SLC2A1: variants seen among roughly 807,000 people sequenced by gnomAD.
SLC2A1 encodes solute carrier family 2, facilitated glucose transporter member 1.
In SLC2A1, 4 loss-of-function variants were observed where a neutral mutation model predicts 46.6. The observed-to-expected ratio is 0.09, with a 90% CI of 0.04 to 0.20. The LOEUF (loss-of-function observed/expected upper bound fraction) is 0.20, where lower values mean the gene tolerates loss of function less well. SLC2A1 is among the 10% of genes least tolerant of loss of function. SLC2A1 has a pLI of 1.00. For missense variants in SLC2A1, 352 were observed against 667.0 expected, an observed-to-expected ratio of 0.53 and a Z score of 5.20; for synonymous variants, 253 against 270.0, an observed-to-expected ratio of 0.94 and a Z score of 0.62.
At position 42,930,287 on chromosome 1, in the gene SLC2A1, G is replaced by T. The variant is rs1643474848; in HGVS notation, c.517-252C>A. ...AGATGTGTCCAGCACAGAGAATGGG[G>T]GCTGCTACTCTGCCACAAGAGGGTT... On this transcript the variant is annotated intron_variant, in intron 4 of 9. Transcript: ENST00000426263. This position sits in a 1 kb window ranked among gnomAD's most constrained non-coding sequence, Gnocchi z 6.2. 2 of 624,646 alleles carry T rather than the reference G, an allele frequency of 3.2e-6. No individual in the cohort carries two copies. Among genetic ancestry groups the T allele is most frequent in the Non-Finnish European group, 5.7e-6 (2 of 349,876 alleles). 38.7% of individuals were successfully genotyped at this position (624,646 alleles called of 1,614,324 possible).
intron 1 of SLC2A1, among the ~76,000 whole-genome samples, chr1:42,957,796 C>T (rs1643791891): frequency 6.6e-6 from 1 of 152,214 alleles, no homozygotes; most frequent in Admixed American, 6.5e-5. Flanking sequence ...TTCCCCAACC[C>T]CGTGGCGTGC....
intron 1 of SLC2A1, among the ~76,000 whole-genome samples, chr1:42,955,912 A>T (rs929863901): frequency 6.6e-6 from 1 of 152,208 alleles, no homozygotes; most frequent in Non-Finnish European, 1.5e-5. Flanking sequence ...ACAATGGAAC[A>T]CGGGGAAGTT....
chr1:42,928,026 G>A (rs1204430434), intron 8 of SLC2A1, among the ~76,000 whole-genome samples: 1 of 152,200 alleles, frequency 6.6e-6, no homozygotes, highest in Non-Finnish European at 1.5e-5. Flanking sequence ...GAGTCCACCC[G>A]CTGGGAGTGG....
Position 42,926,787 on chromosome 1 carries a change from C to G in SLC2A1, c.*254G>C. Reference sequence around the variant, plus strand: ...GAGACTCAGGCTGATATAAAAATAACAAAATCAGTAATAAAAAAATTATAA... The same window carrying G: ...GAGACTCAGGCTGATATAAAAATAAGAAAATCAGTAATAAAAAAATTATAA... On this transcript the variant is annotated 3_prime_UTR_variant, in exon 10 of 10. Coordinates refer to ENST00000426263, the MANE Select transcript of SLC2A1 (RefSeq NM_006516.4). The G allele has an allele frequency of 6.8e-7, 1 of 1,473,320 alleles. No homozygotes were observed. The highest frequency in any genetic ancestry group is 2.7e-5 in the East Asian group (1 of 36,994). The allele number at this position is 1,473,320 out of a possible 1,614,324, so 91.3% of individuals were successfully genotyped here. A position where few individuals can be genotyped will look rare whatever the true frequency, so the allele number is the denominator to read the frequency against.
intron 1 of SLC2A1, among the ~76,000 whole-genome samples, chr1:42,945,998 G>C (rs537522847): frequency 3.3e-5 from 5 of 152,154 alleles, no homozygotes; most frequent in Non-Finnish European, 7.3e-5. Flanking sequence ...ATGATCCATG[G>C]ATCTGGCAAA....
At chr1:42,943,084 C>T in intron 2 of SLC2A1, 142 bp downstream of exon 2, 1 of 705,890 alleles carries the variant, frequency 1.4e-6, no homozygotes, top group Non-Finnish European at 2.6e-6. Context: ...TGATCAGGGC[C>T]AGAAAACTGG....
chr1:42,957,246 T>A (rs1205512373), intron 1 of SLC2A1, among the ~76,000 whole-genome samples: 1 of 152,194 alleles, frequency 6.6e-6, no homozygotes, highest in East Asian at 1.9e-4. Flanking sequence ...TATCCCACCC[T>A]TACGGCTCAC....
intron 8 of SLC2A1, 62 bp downstream of exon 8, chr1:42,928,870 T>A: frequency 7.0e-7 from 1 of 1,432,328 alleles, no homozygotes; most frequent in Non-Finnish European, 9.8e-7. Context: ...ACAGGCATTT[T>A]GGGATATGAA....
At chr1:42,936,140 G>A (rs956986443) in intron 2 of SLC2A1, among the ~76,000 whole-genome samples, 10 of 152,136 alleles carry the variant, frequency 6.6e-5, no homozygotes, top group Admixed American at 6.5e-5. Flanking sequence ...ACCCCAGGAG[G>A]ACTAGGTCAG....
At chr1:42,937,557 C>T (rs941444797) in intron 2 of SLC2A1, among the ~76,000 whole-genome samples, 7 of 152,186 alleles carry the variant, frequency 4.6e-5, no homozygotes, top group Admixed American at 2.0e-4. Context: ...CCAGACTCCC[C>T]GGAGTTACAT....
In SLC2A1 at chr1:42,926,437, C is replaced by A; in HGVS notation, c.*604G>T. 1 of 226,742 alleles carries A rather than the reference C, an allele frequency of 4.4e-6. No individual in the cohort carries two copies. Among genetic ancestry groups the A allele is most frequent in the Non-Finnish European group, 9.2e-6 (1 of 108,530 alleles). 14.0% of individuals were successfully genotyped at this position (226,742 alleles called of 1,614,324 possible). ...ACCCGGCAGCCCAGACTGGCCCTTC[C>A]CCTCTCCTCCCTGCACTCCAGTGCT... On this transcript the variant is annotated 3_prime_UTR_variant, in exon 10 of 10. Transcript: ENST00000426263.
chr1:42,952,430 G>T lies in SLC2A1; in HGVS notation c.18+6204C>A, dbSNP rs1230033311. 5 of 474,412 alleles carry T rather than the reference G, an allele frequency of 1.1e-5. No homozygotes were observed. The East Asian group carries it at 2.6e-4, about 24-fold the overall frequency. The allele number at this position is 474,412 out of a possible 1,614,324, so 29.4% of individuals were successfully genotyped here. A position where few individuals can be genotyped will look rare whatever the true frequency, so the allele number is the denominator to read the frequency against. ...AGTCGATCAGCGAGTTGGGGATAAGGACTTCCATCACCAGGTTGTAGATGG... is the reference window on the plus strand; with the variant it reads ...AGTCGATCAGCGAGTTGGGGATAAGTACTTCCATCACCAGGTTGTAGATGG... On this transcript the variant is annotated intron_variant, in intron 1 of 9. Transcript: ENST00000426263.
rs1035606924 is a variant in SLC2A1, at chr1:42,927,554, C to G, written c.1278+51G>C. The G allele has an allele frequency of 6.7e-7, 1 of 1,494,232 alleles. No individual in the cohort carries two copies. Among genetic ancestry groups the G allele is most frequent in the African/African-American group, 1.6e-5 (1 of 64,114 alleles). 92.6% of individuals were successfully genotyped at this position (1,494,232 alleles called of 1,614,324 possible). ...AATGCTGGGCCAGCACTTTGCACAG[C>G]ACTGTGGGGTCATGCGTGCGGGTGA... On this transcript the variant is annotated intron_variant, in intron 9 of 9. Coordinates refer to ENST00000426263, the MANE Select transcript of SLC2A1 (RefSeq NM_006516.4). This position sits in a 1 kb window ranked among gnomAD's most constrained non-coding sequence, Gnocchi z 5.3.
chr1:42,939,032 T>A (rs371880093), intron 2 of SLC2A1, among the ~76,000 whole-genome samples: 39 of 152,300 alleles, frequency 2.6e-4, no homozygotes, highest in African/African-American at 9.1e-4. Context: ...CAGCTATACT[T>A]CTCTCTCCTT....
In SLC2A1 at chr1:42,927,807, T is replaced by C; in HGVS notation, c.1076A>G (p.Glu359Gly). The C allele has an allele frequency of 6.2e-7, 1 of 1,611,728 alleles. No individual in the cohort carries two copies. The highest frequency in any genetic ancestry group is 1.3e-5 in the African/African-American group (1 of 74,982). The change falls in exon 9 of 10, where the codon GAG (glutamate) becomes GGG (glycine). Residue 359 changes from glutamate (E) to glycine (G), a missense_variant and splice_region_variant. Glu to Gly is a moderately conservative substitution (Grantham distance 98). Around this residue, in one of 5 missense-constraint regions of SLC2A1, gnomAD observed 167 missense variants for 280.8 expected, o/e 0.59. Coordinates refer to ENST00000426263, the MANE Select transcript of SLC2A1 (RefSeq NM_006516.4). The surrounding 1 kb of genome is among the most constrained non-coding windows in gnomAD (Gnocchi z 5.3). The part of the protein sequence containing the change: ...ILMTIALALL[E>G]QLPWMSYLSI... Reference sequence around the variant, plus strand: ...CAGATAGGACATCCAGGGTAGCTGCTCCTGTTGAGGATGACGGAGAGGGGG... The same window carrying C: ...CAGATAGGACATCCAGGGTAGCTGCCCCTGTTGAGGATGACGGAGAGGGGG...
intron 2 of SLC2A1, among the ~76,000 whole-genome samples, chr1:42,939,092 C>T (rs1557649797): frequency 6.6e-6 from 1 of 152,396 alleles, no homozygotes; most frequent in South Asian, 2.1e-4. Context: ...GAAGTCCTGG[C>T]TGAATGAAAG....
At chr1:42,955,544 A>T (rs1462293907) in intron 1 of SLC2A1, among the ~76,000 whole-genome samples, 11 of 152,312 alleles carry the variant, frequency 7.2e-5, no homozygotes, top group African/African-American at 2.6e-4. Flanking sequence ...TGGGAGGTAG[A>T]GGTTGCAGTA....
rs980115554 is a variant in SLC2A1, at chr1:42,940,764, T to C, written c.114+2462A>G. Among the ~76,000 whole-genome samples, 3 of 152,168 alleles carry C rather than the reference T, an allele frequency of 2.0e-5. No individual in the cohort carries two copies. In the South Asian group the frequency reaches 6.2e-4, roughly 32 times the overall value. On this transcript the variant is annotated intron_variant, in intron 2 of 9. Transcript: ENST00000426263. ...CCCGGCCTTAATCTTCATTTCTCTT[T>C]TTATTCCACAGTCTCCCTAGAAGAT...
chr1:42,940,163 C>T (rs1167836077), intron 2 of SLC2A1, among the ~76,000 whole-genome samples: 2 of 152,148 alleles, frequency 1.3e-5, no homozygotes, highest in Non-Finnish European at 2.9e-5. Context: ...TCCAAACCTC[C>T]TCTTTTCTCC....
Sources: gnomAD v4.1 joint callset for allele counts (sites outside exome capture counted in the v4.1 genomes callset) on GRCh38, gnomAD v4.1.1 for gene constraint, gnomAD v4.1.1 regional missense constraint, Gnocchi (gnomAD v3.1) non-coding constraint, MANE v1.5 for transcripts, NCBI Gene and HGNC (gene_info 2026-07-23, HGNC 2026-07-21) for gene names.